The following PPARGC1A variants were observed in gnomAD, a reference collection of about 807,000 sequenced individuals.
The protein encoded by PPARGC1A is peroxisome proliferator-activated receptor gamma coactivator 1-alpha.
Under a neutral mutation model 88.7 loss-of-function variants are expected in PPARGC1A, and 25 were observed. The observed-to-expected ratio is 0.28, with a 90% CI of 0.21 to 0.39. PPARGC1A has a LOEUF of 0.39. PPARGC1A is among the 10% of genes least tolerant of loss of function. PPARGC1A has a pLI of 1.00. For synonymous variants in PPARGC1A, 363 were observed against 355.6 expected (o/e 1.02, Z -0.24); for missense variants, 880 against 968.7 (o/e 0.91, Z 1.22).
chr4:23,871,172 TTG>T (rs1713279286), intron 2 of PPARGC1A, among the ~76,000 whole-genome samples: 1 of 150,786 alleles, frequency 6.6e-6, no homozygotes, highest in African/African-American at 2.5e-5. Flanking sequence ...TGTTGGCTCT[TTG>T]TGAACAGAAT....
chr4:24,211,883 C>T, the PPARGC1A span, among the ~76,000 whole-genome samples: 1 of 152,186 alleles, frequency 6.6e-6, no homozygotes, highest in East Asian at 1.9e-4. Flanking sequence ...TATTCTACCT[C>T]CACGATGCTA....
the PPARGC1A span, among the ~76,000 whole-genome samples, chr4:24,133,958 A>C: frequency 6.6e-6 from 1 of 152,184 alleles, no homozygotes; most frequent in African/African-American, 2.4e-5. Flanking sequence ...TAGCTCTAAG[A>C]AGTGGTTGAG....
chr4:23,938,867 G>A, the PPARGC1A span, among the ~76,000 whole-genome samples: 6 of 152,312 alleles, frequency 3.9e-5, 1 homozygote, highest in African/African-American at 1.2e-4. Flanking sequence ...TAAGGAGAGA[G>A]CATGTCTGCT....
the PPARGC1A span, among the ~76,000 whole-genome samples, chr4:24,073,555 T>C: frequency 2.0e-5 from 3 of 152,112 alleles, no homozygotes; most frequent in Admixed American, 2.0e-4. Flanking sequence ...GCCAACAACA[T>C]GAGAAATGAC....
At chr4:23,822,039 TA>T (rs952835055) in intron 7 of PPARGC1A, among the ~76,000 whole-genome samples, 3 of 152,124 alleles carry the variant, frequency 2.0e-5, no homozygotes, top group Non-Finnish European at 4.4e-5. Context: ...TTTCAACCTA[TA>T]TTTTAGTCTT....
the PPARGC1A span, among the ~76,000 whole-genome samples, chr4:23,983,295 T>C: frequency 6.6e-6 from 1 of 152,188 alleles, no homozygotes; most frequent in Non-Finnish European, 1.5e-5. Context: ...CCTTAGTGTA[T>C]GGTCAGCATT....
intron 2 of PPARGC1A, among the ~76,000 whole-genome samples, chr4:23,844,186 A>T (rs550367896): frequency 6.7e-6 from 1 of 149,862 alleles, no homozygotes; most frequent in East Asian, 1.9e-4. Flanking sequence ...TATATAAAAC[A>T]TAAACACACA....
At chr4:24,326,276 A>G in the PPARGC1A span, among the ~76,000 whole-genome samples, 1 of 152,148 alleles carries the variant, frequency 6.6e-6, no homozygotes, top group Non-Finnish European at 1.5e-5. Context: ...TTTGAAGCCT[A>G]TAAACTCTCC....
At chr4:24,375,842 C>A in the PPARGC1A span, among the ~76,000 whole-genome samples, 1 of 152,008 alleles carries the variant, frequency 6.6e-6, no homozygotes, top group African/African-American at 2.4e-5. Context: ...ATAAAGAGAG[C>A]AAACCCAAAC....
At chr4:23,896,902 T>A (rs958342464) in intron 1 of PPARGC1A, among the ~76,000 whole-genome samples, 2 of 152,106 alleles carry the variant, frequency 1.3e-5, no homozygotes, top group Admixed American at 1.3e-4. Context: ...TGAAATTGAT[T>A]TGACCAGGAA....
chr4:24,363,499 T>A, the PPARGC1A span, among the ~76,000 whole-genome samples: 1 of 152,206 alleles, frequency 6.6e-6, no homozygotes, highest in African/African-American at 2.4e-5. Context: ...ATTAAAGTGT[T>A]ACTAAATATT....
chr4:24,240,361 G>C, the PPARGC1A span, among the ~76,000 whole-genome samples: 2 of 152,188 alleles, frequency 1.3e-5, no homozygotes, highest in Non-Finnish European at 2.9e-5. Flanking sequence ...CCTTCAGCCA[G>C]AGCTGATAAG....
the PPARGC1A span, among the ~76,000 whole-genome samples, chr4:24,222,638 C>T: frequency 6.6e-6 from 1 of 152,196 alleles, no homozygotes; most frequent in Admixed American, 6.5e-5. Flanking sequence ...ACTGTAGCAT[C>T]TTCTTTTAAA....
At chr4:23,935,040 G>A in the PPARGC1A span, among the ~76,000 whole-genome samples, 1 of 152,172 alleles carries the variant, frequency 6.6e-6, no homozygotes, top group Non-Finnish European at 1.5e-5. Context: ...CTGCTCACAT[G>A]CTTGTGGTTT....
the PPARGC1A span, among the ~76,000 whole-genome samples, chr4:23,989,120 G>A: frequency 6.6e-6 from 1 of 151,720 alleles, no homozygotes; most frequent in Non-Finnish European, 1.5e-5. Context: ...TTGCCTGCAA[G>A]TATATATTTA....
At chr4:23,859,191 A>C (rs12640088) in intron 2 of PPARGC1A, among the ~76,000 whole-genome samples, 18,631 of 152,164 alleles carry the variant, frequency 0.12, 1,276 homozygotes, top group Non-Finnish European at 0.14. Context: ...ACTATTCTTT[A>C]GGTTGCCTCT....
chr4:23,813,666 T>C (rs1721366128), intron 8 of PPARGC1A, 24 bp downstream of exon 8: 1 of 1,490,456 alleles, frequency 6.7e-7, no homozygotes, highest in Middle Eastern at 1.8e-4. Context: ...CCTTTTGTGT[T>C]ATTAGGGTTT....
chr4:24,168,321 C>T, the PPARGC1A span, among the ~76,000 whole-genome samples: 1 of 152,126 alleles, frequency 6.6e-6, no homozygotes, highest in African/African-American at 2.4e-5. Context: ...TTTAGATGAA[C>T]AAGGGTGGGC....
chr4:24,233,397 C>T, the PPARGC1A span, among the ~76,000 whole-genome samples: 3 of 152,000 alleles, frequency 2.0e-5, no homozygotes, highest in Non-Finnish European at 4.4e-5. Context: ...TCCTTCTTCT[C>T]CTTCTCTCTC....
Sources: allele counts gnomAD v4.1 joint callset (sites outside exome capture counted in the v4.1 genomes callset), GRCh38; gene constraint gnomAD v4.1.1; transcripts MANE v1.5; gene names NCBI Gene and HGNC (gene_info 2026-07-23, HGNC 2026-07-21).